Variants in PRMT3 observed in about 807,000 individuals in gnomAD.
The protein encoded by PRMT3 is protein arginine N-methyltransferase 3.
A neutral mutation model predicts 71.9 loss-of-function variants in PRMT3; 62 were observed. That is an observed-to-expected ratio of 0.86 (90% CI 0.70 to 1.07). PRMT3 has a LOEUF of 1.07. Ranked by LOEUF, PRMT3 falls within the 50% of genes least tolerant of loss-of-function variation. The pLI, the probability that PRMT3 is intolerant of heterozygous loss-of-function variation, is 0.00. For missense variants in PRMT3, 663 were observed against 643.0 expected (o/e 1.03, Z -0.34); for synonymous variants, 213 against 220.4 (o/e 0.97, Z 0.30).
intron 3 of PRMT3, among the ~76,000 whole-genome samples, chr11:20,391,069 G>GT (rs1320177587): frequency 1.1e-4 from 17 of 151,484 alleles, no homozygotes; most frequent in African/African-American, 3.2e-4. Context: ...AAAATAATAG[G>GT]TTTTTTGGTC....
intron 8 of PRMT3, among the ~76,000 whole-genome samples, chr11:20,404,235 T>TTGTTTTGTTTTG (rs1565196874): frequency 5.3e-4 from 61 of 114,950 alleles, no homozygotes; most frequent in East Asian, 2.1e-3. Context: ...TTTTTTTTTT[T>TTGTTTTGTTTTG]TTTTTTTTTT....
At chr11:20,461,779 A>G (rs1220356920) in intron 11 of PRMT3, among the ~76,000 whole-genome samples, 1 of 152,158 alleles carries the variant, frequency 6.6e-6, no homozygotes, top group Non-Finnish European at 1.5e-5. Flanking sequence ...TTTTAATTTT[A>G]TCATCATGAT....
At chr11:20,390,569 GAT>G (rs1486437479) in intron 3 of PRMT3, among the ~76,000 whole-genome samples, 3 of 152,212 alleles carry the variant, frequency 2.0e-5, no homozygotes, top group African/African-American at 7.2e-5. Flanking sequence ...ATGAAGTTAA[GAT>G]TAATATGCAA....
intron 6 of PRMT3, among the ~76,000 whole-genome samples, chr11:20,396,966 C>G (rs1385411037): frequency 6.6e-6 from 1 of 152,166 alleles, no homozygotes; most frequent in African/African-American, 2.4e-5. Flanking sequence ...ATAGTAGAGC[C>G]AATTGTAGTT....
intron 8 of PRMT3, chr11:20,405,854 G>C (rs1590039625): frequency 6.6e-6 from 1 of 152,220 alleles, no homozygotes; most frequent in Middle Eastern, 3.4e-3. Context: ...TAAGTGTATA[G>C]GTAAGTGGTA....
rs537491345 is a variant in PRMT3, at chr11:20,395,741, A to G, written c.401-62A>G. 335 of 1,491,194 alleles carry G rather than the reference A, an allele frequency of 2.2e-4. 1 individual carries two copies. In the Middle Eastern group the frequency reaches 3.2e-3, roughly 14 times the overall value. 92.4% of individuals were successfully genotyped at this position (1,491,194 alleles called of 1,614,324 possible). ...AACTTAGGGCGTATTTATTCCTAACATATTTATACTTGTTTTATTGTTATA... is the reference window on the plus strand; with the variant it reads ...AACTTAGGGCGTATTTATTCCTAACGTATTTATACTTGTTTTATTGTTATA... On this transcript the variant is annotated intron_variant, in intron 5 of 15. Transcript: ENST00000331079.
chr11:20,495,372 TA>T (rs1327938754), intron 15 of PRMT3, among the ~76,000 whole-genome samples: 1 of 151,870 alleles, frequency 6.6e-6, no homozygotes, highest in African/African-American at 2.4e-5. Context: ...TACAAAACAA[TA>T]AAAATTATCT....
chr11:20,436,593 G>A (rs144173823), intron 10 of PRMT3, among the ~76,000 whole-genome samples: 4 of 152,184 alleles, frequency 2.6e-5, no homozygotes, highest in African/African-American at 9.6e-5. Flanking sequence ...TTATTGACTT[G>A]TGTACATTTT....
intron 9 of PRMT3, among the ~76,000 whole-genome samples, chr11:20,408,458 A>G (rs1372417861): frequency 6.6e-6 from 1 of 152,140 alleles, no homozygotes; most frequent in East Asian, 1.9e-4. Context: ...TTGTAACAAC[A>G]CTAGTCCATG....
chr11:20,476,310 C>T (rs1850782833), intron 13 of PRMT3, among the ~76,000 whole-genome samples: 1 of 152,072 alleles, frequency 6.6e-6, no homozygotes, highest in South Asian at 2.1e-4. Context: ...CTAGATCACC[C>T]TATTGCACTC....
chr11:20,432,338 G>A (rs1432100104), intron 10 of PRMT3, among the ~76,000 whole-genome samples: 1 of 152,020 alleles, frequency 6.6e-6, no homozygotes, highest in Non-Finnish European at 1.5e-5. Context: ...GGGAGTAAAA[G>A]TAAACCCTTC....
chr11:20,395,867 T>C lies in PRMT3; in HGVS notation c.465T>C (p.Asn155=), dbSNP rs2133302293. ...CATACCCCAATGGACTCAGTGAAAA[T>C]ACATCTGTTGTTGAAAAATTGAAAC... The part of the protein sequence containing the change: ...PFSYPNGLSE[N]TSVVEKLKHM... Residue 155 remains asparagine, a synonymous_variant, in exon 6 of 16, where the codon AAT becomes AAC. Coordinates refer to ENST00000331079, the MANE Select transcript of PRMT3 (RefSeq NM_005788.4). The C allele has an allele frequency of 1.9e-6, 3 of 1,614,092 alleles. No homozygotes were observed. The highest frequency in any genetic ancestry group is 2.5e-6 in the Non-Finnish European group (3 of 1,180,008).
intron 7 of PRMT3, among the ~76,000 whole-genome samples, chr11:20,398,654 C>T (rs796788900): frequency 1.3e-5 from 2 of 152,192 alleles, no homozygotes; most frequent in South Asian, 2.1e-4. Context: ...GGGGTTTCAC[C>T]GTAATGCCAT....
At chr11:20,491,185 T>C (rs2133449509) in intron 13 of PRMT3, among the ~76,000 whole-genome samples, 1 of 152,338 alleles carries the variant, frequency 6.6e-6, no homozygotes, top group Non-Finnish European at 1.5e-5. Flanking sequence ...ATTTTTCATT[T>C]GGTGCTTTTT....
intron 10 of PRMT3, among the ~76,000 whole-genome samples, chr11:20,450,695 G>C (rs554513029): frequency 1.3e-5 from 2 of 152,098 alleles, no homozygotes; most frequent in Admixed American, 6.6e-5. Context: ...CGGCAATTCA[G>C]TTCAGTTCCT....
At chr11:20,398,536 T>C (rs1415329485) in intron 7 of PRMT3, among the ~76,000 whole-genome samples, 1 of 152,164 alleles carries the variant, frequency 6.6e-6, no homozygotes, top group Admixed American at 6.5e-5. Flanking sequence ...CACTGCAAGC[T>C]CCGCCTCTCA....
intron 8 of PRMT3, among the ~76,000 whole-genome samples, chr11:20,403,924 A>T (rs1849005354): frequency 6.6e-6 from 1 of 152,030 alleles, no homozygotes; most frequent in Admixed American, 6.5e-5. Flanking sequence ...TGATTTTTGT[A>T]TTGTTTGGAA....
chr11:20,404,211 GTTTTTTTTTTTTTTTTT>G (rs71063629), intron 8 of PRMT3, among the ~76,000 whole-genome samples: 2 of 34,332 alleles, frequency 5.8e-5, no homozygotes, highest in Non-Finnish European at 9.8e-5. Context: ...ACTTTTCATA[GTTTTTTTTTTTTTTTTT>G]TTTTTTTTTT....
chr11:20,493,347 C>T (rs1851255361), intron 13 of PRMT3, among the ~76,000 whole-genome samples: 1 of 152,144 alleles, frequency 6.6e-6, no homozygotes, highest in South Asian at 2.1e-4. Flanking sequence ...ATTAAATGAA[C>T]TGGCTTTGTA....
Sources: allele counts gnomAD v4.1 joint callset (sites outside exome capture counted in the v4.1 genomes callset), GRCh38; gene constraint gnomAD v4.1.1; transcripts MANE v1.5; gene names NCBI Gene and HGNC (gene_info 2026-07-23, HGNC 2026-07-21).